The following NKAIN2 variants were observed in gnomAD, a reference collection of about 807,000 sequenced individuals.
NKAIN2 encodes sodium/potassium-transporting ATPase subunit beta-1-interacting protein 2.
NKAIN2 carries 14 observed loss-of-function variants against 32.6 expected under a neutral mutation model. The ratio of observed to expected loss-of-function variants is 0.43; its 90% CI spans 0.28 to 0.67. The LOEUF is 0.67. NKAIN2 is among the 30% of genes least tolerant of loss of function. The pLI is 0.17. For synonymous variants in NKAIN2, 80 were observed against 87.2 expected (o/e 0.92, Z 0.46); for missense variants, 198 against 258.3 (o/e 0.77, Z 1.60).
chr6:124,273,397 T>G (rs1794888463), intron 1 of NKAIN2, among the ~76,000 whole-genome samples: 2 of 152,198 alleles, frequency 1.3e-5, no homozygotes, highest in Admixed American at 1.3e-4. Context: ...TTGCTTTCCC[T>G]TCACTTTCTA....
At chr6:124,779,450 T>A (rs1028746294) in intron 4 of NKAIN2, among the ~76,000 whole-genome samples, 3 of 152,048 alleles carry the variant, frequency 2.0e-5, no homozygotes, top group Non-Finnish European at 2.9e-5. Context: ...GTTCAAGATA[T>A]AAGATTGGAA....
At chr6:124,641,091 T>G (rs1033641331) in intron 3 of NKAIN2, among the ~76,000 whole-genome samples, 18 of 152,148 alleles carry the variant, frequency 1.2e-4, no homozygotes, top group Non-Finnish European at 2.1e-4. Flanking sequence ...ACTAAGACAA[T>G]GTTGCTATTC....
chr6:123,952,042 TC>T (rs1777352177), intron 1 of NKAIN2, among the ~76,000 whole-genome samples: 1 of 152,080 alleles, frequency 6.6e-6, no homozygotes, highest in Non-Finnish European at 1.5e-5. Flanking sequence ...TTCTTTTGCT[TC>T]TTCATGTAGG....
intron 3 of NKAIN2, among the ~76,000 whole-genome samples, chr6:124,437,065 C>T (rs1775478095): frequency 6.6e-6 from 1 of 152,184 alleles, no homozygotes; most frequent in Non-Finnish European, 1.5e-5. Context: ...GACTCTGAGT[C>T]AAATGTCTTT....
chr6:124,001,461 G>C (rs1045025420), intron 1 of NKAIN2, among the ~76,000 whole-genome samples: 8 of 151,852 alleles, frequency 5.3e-5, no homozygotes, highest in African/African-American at 1.9e-4. Flanking sequence ...AGAGGAAAAA[G>C]TAACATTGTT....
At chr6:124,814,976 T>C (rs1370718237) in intron 5 of NKAIN2, among the ~76,000 whole-genome samples, 1 of 151,850 alleles carries the variant, frequency 6.6e-6, no homozygotes, top group Admixed American at 6.6e-5. Context: ...TTGACTTGGA[T>C]CTCAATTTCA....
At chr6:124,430,265 A>G (rs1464157347) in intron 3 of NKAIN2, among the ~76,000 whole-genome samples, 1 of 152,254 alleles carries the variant, frequency 6.6e-6, no homozygotes, top group East Asian at 1.9e-4. Flanking sequence ...TTCTCTAGAA[A>G]TATGTGGTCA....
chr6:124,791,285 G>A (rs1779730540), intron 4 of NKAIN2, 54 bp from the exon 5 acceptor site: 1 of 1,351,238 alleles, frequency 7.4e-7, no homozygotes, highest in African/African-American at 1.4e-5. Context: ...TCTCCAGTGA[G>A]GTCTGGTGTT....
At chr6:124,351,917 G>T (rs1024688531) in intron 2 of NKAIN2, among the ~76,000 whole-genome samples, 1 of 152,024 alleles carries the variant, frequency 6.6e-6, no homozygotes, top group African/African-American at 2.4e-5. Context: ...CACCGCGCCC[G>T]ACCCTACTGC....
intron 3 of NKAIN2, among the ~76,000 whole-genome samples, chr6:124,468,835 C>A (rs1391726207): frequency 6.6e-6 from 1 of 152,096 alleles, no homozygotes; most frequent in Non-Finnish European, 1.5e-5. Flanking sequence ...CATTTTGAAC[C>A]AAACTCAAAA....
At chr6:124,798,063 TTATCTATC>T (rs35465154) in intron 5 of NKAIN2, among the ~76,000 whole-genome samples, 5,304 of 148,548 alleles carry the variant, frequency 0.036, 124 homozygotes, top group African/African-American at 0.055. Flanking sequence ...TATCTATCTA[TTATCTATC>T]TATCTATCTA....
chr6:124,503,148 A>G (rs1778357636), intron 3 of NKAIN2, among the ~76,000 whole-genome samples: 1 of 152,094 alleles, frequency 6.6e-6, no homozygotes, highest in South Asian at 2.1e-4. Flanking sequence ...GCTGCACAAG[A>G]TAGTTGGTAT....
At chr6:124,245,662 A>G (rs1793358632) in intron 1 of NKAIN2, among the ~76,000 whole-genome samples, 1 of 152,134 alleles carries the variant, frequency 6.6e-6, no homozygotes. Flanking sequence ...AAACTGGAAT[A>G]TATCATTGTG....
intron 1 of NKAIN2, among the ~76,000 whole-genome samples, chr6:123,836,768 T>C (rs186599961): frequency 6.6e-6 from 1 of 152,250 alleles, no homozygotes; most frequent in East Asian, 1.9e-4. Flanking sequence ...TATGTAAAAA[T>C]GTTAACATTA....
rs1176567141 is a variant in NKAIN2, at chr6:124,324,355, C to A, written c.193-30912C>A. 3.3e-5 allele frequency among the ~76,000 whole-genome samples: 5 copies of A among 151,556 alleles called. No homozygotes were observed. In the South Asian group the frequency reaches 6.3e-4, roughly 19 times the overall value. ...TAGATTTATACCTAAGTATCTGAGGCCTTTTTTTAGCAATTGTAAATGTTA... is the reference window on the plus strand; with the variant it reads ...TAGATTTATACCTAAGTATCTGAGGACTTTTTTTAGCAATTGTAAATGTTA... On this transcript the variant is annotated intron_variant, in intron 2 of 6. Transcript: ENST00000368417.
intron 1 of NKAIN2, among the ~76,000 whole-genome samples, chr6:124,182,231 A>G (rs1471258107): frequency 6.6e-6 from 1 of 152,186 alleles, no homozygotes; most frequent in East Asian, 1.9e-4. Flanking sequence ...CCCATGATTC[A>G]GTTACCTCCC....
chr6:123,829,847 A>C (rs1354366944), intron 1 of NKAIN2, among the ~76,000 whole-genome samples: 6 of 152,224 alleles, frequency 3.9e-5, no homozygotes, highest in Admixed American at 2.0e-4. Context: ...TCATGCAGAC[A>C]AACAGACCAG....
chr6:124,356,912 G>A (rs1313115439), intron 3 of NKAIN2, among the ~76,000 whole-genome samples: 1 of 152,132 alleles, frequency 6.6e-6, no homozygotes, highest in Non-Finnish European at 1.5e-5. Flanking sequence ...AAATGATCCA[G>A]CAGATCAGAT....
At chr6:124,355,417 T>C (rs995295793) in intron 3 of NKAIN2, 70 bp downstream of exon 3, 8 of 833,886 alleles carry the variant, frequency 9.6e-6, no homozygotes, top group Non-Finnish European at 1.5e-5. Context: ...TAAGGCAGAG[T>C]CTCATCCTGT....
Sources: allele counts gnomAD v4.1 joint callset (sites outside exome capture counted in the v4.1 genomes callset), GRCh38; gene constraint gnomAD v4.1.1; transcripts MANE v1.5; gene names NCBI Gene and HGNC (gene_info 2026-07-23, HGNC 2026-07-21).